Variants in DNAH8 observed in about 807,000 individuals in gnomAD.
DNAH8 encodes the protein dynein axonemal heavy chain 8, also known as axonemal beta dynein heavy chain 8.
DNAH8 carries 382 observed loss-of-function variants against 562.1 expected under a neutral mutation model. The ratio of observed to expected loss-of-function variants is 0.68; its 90% CI spans 0.63 to 0.74. DNAH8 has a LOEUF of 0.74. DNAH8 is among the 30% of genes least tolerant of loss of function. The pLI is 0.00. For synonymous variants in DNAH8, 1,881 were observed against 1,919.4 expected, an observed-to-expected ratio of 0.98 and a Z score of 0.52; for missense variants, 5,203 against 5,620.4, an observed-to-expected ratio of 0.93 and a Z score of 2.37.
intron 4 of DNAH8, among the ~76,000 whole-genome samples, chr6:38,734,163 T>A (rs1043628326): frequency 1.3e-5 from 2 of 151,680 alleles, no homozygotes; most frequent in Middle Eastern, 3.4e-3. Flanking sequence ...GGCACACGCA[T>A]GTAGTCCCAG....
chr6:38,902,295 C>T (rs923903805), intron 62 of DNAH8, among the ~76,000 whole-genome samples: 4 of 152,106 alleles, frequency 2.6e-5, no homozygotes, highest in Non-Finnish European at 5.9e-5. Context: ...TGCAAACCAA[C>T]CAATCCAGAG....
intron 88 of DNAH8, among the ~76,000 whole-genome samples, chr6:38,997,108 C>T (rs1481070250): frequency 6.6e-6 from 1 of 152,186 alleles, no homozygotes; most frequent in Non-Finnish European, 1.5e-5. Flanking sequence ...CTTTCCCCAG[C>T]ATGTCTTAGC....
At chr6:38,828,014 T>C (rs1773513584) in intron 29 of DNAH8, among the ~76,000 whole-genome samples, 170 bp from the exon 30 acceptor site, 1 of 152,130 alleles carries the variant, frequency 6.6e-6, no homozygotes, top group Non-Finnish European at 1.5e-5. Context: ...AGTTAGTATC[T>C]GGTAGTCAGA....
At chr6:39,026,764 C>A (rs1767316934) in intron 92 of DNAH8, 97 bp downstream of exon 92, 6 of 1,377,004 alleles carry the variant, frequency 4.4e-6, no homozygotes, top group East Asian at 2.3e-5. Flanking sequence ...TGGTTAGGTC[C>A]ATTTGCTTTG....
At chr6:38,740,163 A>G (rs1764411015) in intron 7 of DNAH8, among the ~76,000 whole-genome samples, 1 of 152,186 alleles carries the variant, frequency 6.6e-6, no homozygotes, top group Non-Finnish European at 1.5e-5. Flanking sequence ...GTTTTTCCTC[A>G]AAATTACATT....
In DNAH8 at chr6:38,873,311, T is replaced by C. The variant is rs892092769; in HGVS notation, c.7555T>C (p.Tyr2519His). ...TLYEKVFEDT[Y>H]TYMKLNLNPK... ...GTATGAGAAAGTCTTTGAAGATACA[T>C]ACACATATATGAAGCTAAATCTCAA... is the stretch of plus-strand genomic sequence containing the variant. Residue 2519 changes from tyrosine to histidine, a missense_variant, in exon 52 of 93, where the codon TAC becomes CAC. Physicochemically the swap from Tyr to His is moderately conservative, Grantham distance 83 (BLOSUM62 2). Around this residue, in one of 6 missense-constraint regions of DNAH8, gnomAD observed 977 missense variants for 1,061.8 expected, o/e 0.92. Coordinates refer to ENST00000327475, the MANE Select transcript of DNAH8 (RefSeq NM_001206927.2). 3.7e-6 allele frequency: 6 copies of C among 1,613,806 alleles called. No homozygotes were observed. Among genetic ancestry groups the C allele is most frequent in the Non-Finnish European group, 5.1e-6 (6 of 1,179,856 alleles).
chr6:38,814,197 T>A (rs1456468771), intron 25 of DNAH8, 68 bp downstream of exon 25: 1 of 884,748 alleles, frequency 1.1e-6, no homozygotes, highest in African/African-American at 1.7e-5. Flanking sequence ...GAACTGAGCT[T>A]TCATTTAGGT....
At chr6:39,003,673 A>G (rs1208079248) in intron 88 of DNAH8, among the ~76,000 whole-genome samples, 1 of 152,188 alleles carries the variant, frequency 6.6e-6, no homozygotes, top group Non-Finnish European at 1.5e-5. Flanking sequence ...GACACCTCGC[A>G]TGATCAATGA....
At chr6:38,715,911 TAAATAAATAA>T (rs1273673372) in intron 1 of DNAH8, among the ~76,000 whole-genome samples, 17 of 45,448 alleles carry the variant, frequency 3.7e-4, no homozygotes, top group African/African-American at 2.3e-3. Flanking sequence ...TTAAAATAAA[TAAATAAATAA>T]ATAAATATAT....
At chr6:38,792,377 A>G (rs1490714169) in intron 21 of DNAH8, among the ~76,000 whole-genome samples, 1 of 151,824 alleles carries the variant, frequency 6.6e-6, no homozygotes, top group Non-Finnish European at 1.5e-5. Context: ...CTGAGCCACA[A>G]CTCCCAGCCT....
chr6:38,720,267 G>C (rs1287029908), intron 1 of DNAH8, among the ~76,000 whole-genome samples: 1 of 152,204 alleles, frequency 6.6e-6, no homozygotes, highest in Non-Finnish European at 1.5e-5. Flanking sequence ...AGGACAGCCA[G>C]AGATGAAGGA....
At chr6:38,821,526 A>T (rs904527494) in intron 26 of DNAH8, among the ~76,000 whole-genome samples, 1 of 152,176 alleles carries the variant, frequency 6.6e-6, no homozygotes, top group Non-Finnish European at 1.5e-5. Context: ...TGGCCAAAAA[A>T]ATTTTGAAAA....
chr6:38,780,021 C>T lies in DNAH8; in HGVS notation c.2095C>T (p.Arg699Cys), dbSNP rs765078483. ...ATTAGAAATAAACCACACAATAGAG[C>T]GTATTCTTCAGTACTATGTGGCTGA... ...LGLEINHTIE[R>C]ILQYYVAELD... is the part of the protein sequence containing the mutation. The change falls in exon 15 of 93, where the codon CGT becomes TGT. Residue 699 changes from arginine to cysteine, a missense_variant. Physicochemically the swap from Arg to Cys is radical, Grantham distance 180. Around this residue, in one of 6 missense-constraint regions of DNAH8, gnomAD observed 2,176 missense variants for 2,365.1 expected, o/e 0.92. Coordinates refer to ENST00000327475, the MANE Select transcript of DNAH8 (RefSeq NM_001206927.2). The T allele has an allele frequency of 8.1e-6, 13 of 1,613,828 alleles. No homozygotes were observed. The highest frequency in any genetic ancestry group is 2.7e-5 in the African/African-American group (2 of 74,896).
chr6:38,728,323 C>T (rs1394651886), intron 3 of DNAH8, among the ~76,000 whole-genome samples: 5 of 125,124 alleles, frequency 4.0e-5, no homozygotes, highest in Admixed American at 7.8e-5. Context: ...ATAATAATGC[C>T]ACTTTACCTA....
chr6:38,809,779 C>G (rs987967432), intron 24 of DNAH8, among the ~76,000 whole-genome samples: 2 of 152,058 alleles, frequency 1.3e-5, no homozygotes, highest in African/African-American at 4.8e-5. Flanking sequence ...ATTAAACTTT[C>G]CTTTTGTTTC....
chr6:39,024,843 A>G (rs984618075), intron 91 of DNAH8, among the ~76,000 whole-genome samples: 1 of 152,188 alleles, frequency 6.6e-6, no homozygotes, highest in Non-Finnish European at 1.5e-5. Context: ...ACTCGGTTTC[A>G]TGAAACTATA....
chr6:38,818,951 A>T (rs1772569180), intron 26 of DNAH8, among the ~76,000 whole-genome samples: 1 of 152,224 alleles, frequency 6.6e-6, no homozygotes, highest in South Asian at 2.1e-4. Flanking sequence ...AATAGAGATT[A>T]GCTCACTATC....
chr6:38,811,979 G>A (rs987512350), intron 24 of DNAH8, among the ~76,000 whole-genome samples: 7 of 152,170 alleles, frequency 4.6e-5, no homozygotes, highest in African/African-American at 1.7e-4. Context: ...GGGAATTTGT[G>A]GATGTGCTTC....
At position 38,867,229 on chromosome 6, in the gene DNAH8, A is replaced by ATG. The variant is rs1471483350; in HGVS notation, c.6693+354_6693+355insGT. Among the ~76,000 whole-genome samples, 481 of 88,524 alleles carry ATG rather than the reference A, an allele frequency of 5.4e-3. 13 individuals are homozygous for ATG. The Admixed American group carries it at 0.058, about 11-fold the overall frequency. The allele number at this position is 88,524 out of a possible 152,430, so 58.1% of individuals were successfully genotyped here. Reference sequence around the variant, plus strand: ...CAGTTATACATGCACTGGTGTGTGTATATGTGTGTGTGTGTGTGTGTGTGT... The same window carrying ATG: ...CAGTTATACATGCACTGGTGTGTGTATGTATGTGTGTGTGTGTGTGTGTGTGT... On this transcript the variant is annotated intron_variant, in intron 47 of 92. Transcript: ENST00000327475.
Sources: gnomAD v4.1 joint callset for allele counts (sites outside exome capture counted in the v4.1 genomes callset) on GRCh38, gnomAD v4.1.1 for gene constraint, gnomAD v4.1.1 regional missense constraint, MANE v1.5 for transcripts, NCBI Gene and HGNC (gene_info 2026-07-23, HGNC 2026-07-21) for gene names.